CNTNAP2: variants seen among roughly 807,000 people sequenced by gnomAD.
CNTNAP2 encodes the protein contactin associated protein 2, also known as contactin-associated protein-like 2.
CNTNAP2 carries 98 observed loss-of-function variants against 155.2 expected under a neutral mutation model. The ratio of observed to expected loss-of-function variants is 0.63; its 90% CI spans 0.54 to 0.75. CNTNAP2 has a LOEUF of 0.75. Ranked by LOEUF, CNTNAP2 falls within the 30% of genes least tolerant of loss-of-function variation. The pLI is 0.00. For missense variants in CNTNAP2, 1,727 were observed against 1,688.1 expected, an observed-to-expected ratio of 1.02 and a Z score of -0.40; for synonymous variants, 651 against 631.2, an observed-to-expected ratio of 1.03 and a Z score of -0.47.
chr7:148,240,563 G>C (rs1796127100), intron 20 of CNTNAP2, among the ~76,000 whole-genome samples: 1 of 152,158 alleles, frequency 6.6e-6, no homozygotes, highest in African/African-American at 2.4e-5. Flanking sequence ...AAATTTAAAA[G>C]GGTCTTTATT....
intron 3 of CNTNAP2, among the ~76,000 whole-genome samples, chr7:147,010,006 T>C (rs1048754773): frequency 1.3e-4 from 17 of 133,588 alleles, no homozygotes; most frequent in Admixed American, 1.1e-3. Flanking sequence ...ATATCTTGGT[T>C]CTTTTTTTTT....
At chr7:147,965,095 C>T (rs774832754) in intron 14 of CNTNAP2, among the ~76,000 whole-genome samples, 6 of 152,152 alleles carry the variant, frequency 3.9e-5, no homozygotes, top group Admixed American at 3.3e-4. Context: ...AGCCCAGGTG[C>T]TCCTTGTTCA....
chr7:146,816,288 G>T (rs1803168236), intron 2 of CNTNAP2, among the ~76,000 whole-genome samples: 2 of 152,136 alleles, frequency 1.3e-5, no homozygotes, highest in Non-Finnish European at 2.9e-5. Flanking sequence ...TCATTATGAG[G>T]ATAGTGTGCC....
intron 2 of CNTNAP2, among the ~76,000 whole-genome samples, chr7:146,814,921 T>G (rs1219543328): frequency 6.6e-6 from 1 of 152,178 alleles, no homozygotes; most frequent in African/African-American, 2.4e-5. Context: ...TAACATTTCC[T>G]GAGATTTATA....
chr7:146,498,584 G>A (rs1024711161), intron 1 of CNTNAP2, among the ~76,000 whole-genome samples: 2 of 151,664 alleles, frequency 1.3e-5, no homozygotes, highest in African/African-American at 4.8e-5. Context: ...TTTACAATCA[G>A]TAATAAAATT....
chr7:148,217,617 T>C (rs1795669225), intron 19 of CNTNAP2, 93 bp downstream of exon 19: 2 of 1,347,804 alleles, frequency 1.5e-6, no homozygotes, highest in East Asian at 2.3e-5. Context: ...GTTTGTTATT[T>C]ATTCCCCATA....
intron 3 of CNTNAP2, among the ~76,000 whole-genome samples, chr7:146,901,445 A>C (rs759463687): frequency 1.3e-5 from 2 of 152,232 alleles, no homozygotes; most frequent in Non-Finnish European, 2.9e-5. Context: ...ATACACAGGG[A>C]AAGAATTAAA....
At chr7:146,400,841 T>A (rs1024203979) in intron 1 of CNTNAP2, among the ~76,000 whole-genome samples, 1 of 152,202 alleles carries the variant, frequency 6.6e-6, no homozygotes, top group African/African-American at 2.4e-5. Flanking sequence ...GGCATCTGAA[T>A]AACTTTGCAG....
intron 13 of CNTNAP2, among the ~76,000 whole-genome samples, chr7:147,668,931 T>A (rs1231263421): frequency 1.3e-5 from 2 of 152,128 alleles, no homozygotes; most frequent in Non-Finnish European, 2.9e-5. Context: ...CAAGCTCCAT[T>A]TTTGTTAAGT....
chr7:146,325,723 C>G (rs949862860), intron 1 of CNTNAP2, among the ~76,000 whole-genome samples: 2 of 151,962 alleles, frequency 1.3e-5, no homozygotes, highest in African/African-American at 2.4e-5. Context: ...TTCCATATTT[C>G]TTTCCATCTT....
chr7:146,482,114 C>G (rs1796968596), intron 1 of CNTNAP2, among the ~76,000 whole-genome samples: 1 of 143,410 alleles, frequency 7.0e-6, no homozygotes, highest in Admixed American at 7.3e-5. Context: ...GCAACAGTCA[C>G]AAGACTCCAA....
At chr7:146,860,656 T>A (rs1191913948) in intron 3 of CNTNAP2, among the ~76,000 whole-genome samples, 1 of 152,162 alleles carries the variant, frequency 6.6e-6, no homozygotes, top group Non-Finnish European at 1.5e-5. Flanking sequence ...TAAAAATTAA[T>A]GTTAGTTTAA....
chr7:146,431,156 C>T (rs1418536061), intron 1 of CNTNAP2, among the ~76,000 whole-genome samples: 4 of 151,944 alleles, frequency 2.6e-5, no homozygotes, highest in Admixed American at 1.3e-4. Context: ...TCTAGAGAAA[C>T]ACAAACTCCA....
intron 12 of CNTNAP2, among the ~76,000 whole-genome samples, chr7:147,622,376 A>G (rs538946995): frequency 6.6e-6 from 1 of 152,236 alleles, no homozygotes; most frequent in South Asian, 2.1e-4. Context: ...AGGATAGACC[A>G]TATGTTAGGT....
intron 1 of CNTNAP2, among the ~76,000 whole-genome samples, chr7:146,518,948 C>T (rs541698996): frequency 5.3e-5 from 8 of 152,038 alleles, no homozygotes; most frequent in Admixed American, 2.6e-4. Flanking sequence ...TCTTTAACTT[C>T]GTGGCCACAC....
chr7:148,407,294 C>T (rs1392975343), intron 22 of CNTNAP2, among the ~76,000 whole-genome samples: 1 of 152,158 alleles, frequency 6.6e-6, no homozygotes, highest in East Asian at 1.9e-4. Context: ...ATCCACACTA[C>T]CTACCCCAGA....
chr7:147,030,891 A>G (rs1799019624), intron 3 of CNTNAP2, among the ~76,000 whole-genome samples: 1 of 152,160 alleles, frequency 6.6e-6, no homozygotes, highest in African/African-American at 2.4e-5. Flanking sequence ...CTCAAAAAAT[A>G]TATATAATAG....
chr7:146,550,537 A>G (rs527276472), intron 1 of CNTNAP2, among the ~76,000 whole-genome samples: 101 of 148,082 alleles, frequency 6.8e-4, no homozygotes, highest in African/African-American at 2.4e-3. Context: ...AAATATGTGT[A>G]TATGTGCACA....
intron 1 of CNTNAP2, among the ~76,000 whole-genome samples, chr7:146,504,692 A>G (rs1231925150): frequency 3.3e-5 from 5 of 152,220 alleles, no homozygotes; most frequent in African/African-American, 1.2e-4. Flanking sequence ...TGCAAAAACC[A>G]GGAACGTAGC....
Sources: allele counts gnomAD v4.1 joint callset (sites outside exome capture counted in the v4.1 genomes callset), GRCh38; gene constraint gnomAD v4.1.1; transcripts MANE v1.5; gene names NCBI Gene and HGNC (gene_info 2026-07-23, HGNC 2026-07-21).